The following PLCE1 variants were observed in gnomAD, a reference collection of about 807,000 sequenced individuals.
PLCE1 encodes the protein 1-phosphatidylinositol 4,5-bisphosphate phosphodiesterase epsilon-1.
Under a neutral mutation model 242.8 loss-of-function variants are expected in PLCE1, and 119 were observed. That is an observed-to-expected ratio of 0.49 (90% CI 0.42 to 0.57). The LOEUF (loss-of-function observed/expected upper bound fraction) is 0.57, where lower values mean the gene tolerates loss of function less well. Among genes scored for constraint, PLCE1 ranks in the 20% least tolerant of loss-of-function variants. The probability of loss-of-function intolerance (pLI) is 0.00; values close to 1 mark genes in which losing one functional copy is unlikely to be tolerated. For missense variants in PLCE1, 2,441 were observed against 2,788.8 expected, an observed-to-expected ratio of 0.88 and a Z score of 2.81; for synonymous variants, 945 against 1,017.4, an observed-to-expected ratio of 0.93 and a Z score of 1.35.
chr10:94,094,448 C>T (rs1373495588), intron 2 of PLCE1, among the ~76,000 whole-genome samples: 1 of 152,078 alleles, frequency 6.6e-6, no homozygotes, highest in Non-Finnish European at 1.5e-5. Context: ...ATGACAGGTG[C>T]ATGAATGGAG....
rs776583769 is a variant in PLCE1, at chr10:94,031,680, G to T, written c.634G>T (p.Asp212Tyr). Residue 212 changes from aspartate (D) to tyrosine (Y), a missense_variant, in exon 2 of 33, where the codon GAT becomes TAT. Physicochemically the swap from Asp to Tyr is radical, Grantham distance 160. This residue lies in a region of PLCE1 where 393 missense variants were observed against 378.5 expected (regional missense o/e 1.04). Coordinates refer to ENST00000371380, the MANE Select transcript of PLCE1 (RefSeq NM_016341.4). ...CCTATCAGAAAACTTAATTTTAGACGATTGTGGAAATTGTGTACCACTACC... is the reference window on the plus strand; with the variant it reads ...CCTATCAGAAAACTTAATTTTAGACTATTGTGGAAATTGTGTACCACTACC... ...CTLSENLILD[D>Y]CGNCVPLPGG... is the part of the protein sequence containing the mutation. 1.2e-6 allele frequency: 2 copies of T among 1,613,800 alleles called. No individual in the cohort carries two copies. The highest frequency in any genetic ancestry group is 1.1e-5 in the South Asian group (1 of 91,070).
chr10:94,154,654 C>T (rs572288764), intron 3 of PLCE1, among the ~76,000 whole-genome samples: 24 of 152,056 alleles, frequency 1.6e-4, no homozygotes, highest in Non-Finnish European at 2.6e-4. Flanking sequence ...GGACTTGAAT[C>T]GATGTTTCTC....
At chr10:94,230,784 A>AT (rs1374329032) in intron 5 of PLCE1, among the ~76,000 whole-genome samples, 1 of 151,772 alleles carries the variant, frequency 6.6e-6, no homozygotes, top group Non-Finnish European at 1.5e-5. Context: ...ATTTAAAAAA[A>AT]TTTTTTTAGA....
At chr10:94,014,867 A>G (rs544599507) in intron 1 of PLCE1, among the ~76,000 whole-genome samples, 1 of 152,360 alleles carries the variant, frequency 6.6e-6, no homozygotes, top group Non-Finnish European at 1.5e-5. Flanking sequence ...CACCCTAGCA[A>G]GGATAGTTTT....
chr10:94,312,003 T>G (rs2053400814), intron 27 of PLCE1, among the ~76,000 whole-genome samples: 1 of 152,168 alleles, frequency 6.6e-6, no homozygotes, highest in Admixed American at 6.5e-5. Context: ...GTCACCTAGC[T>G]CTCAGCTCTA....
At chr10:94,099,922 T>G (rs2045461596) in intron 2 of PLCE1, 2 of 152,082 alleles carry the variant, frequency 1.3e-5, no homozygotes. Flanking sequence ...TTTGTCCAGT[T>G]AATGCCAGTG....
rs372501153 is a variant in PLCE1, at chr10:94,187,146, A to ATGTGTGTGTGTGTGTG, written c.1809+15671_1809+15686dup. Among the ~76,000 whole-genome samples the ATGTGTGTGTGTGTGTG allele has an allele frequency of 8.9e-4, 130 of 145,490 alleles. No homozygotes were observed. The East Asian group carries it at 9.4e-3, about 10-fold the overall frequency. ...GTGGCTAAGCCAAGATGAAACATAT[A>ATGTGTGTGTGTGTGTG]TGTGTGTGTGTGTGTGTGTGTGTGT... is the stretch of plus-strand genomic sequence containing the variant. On this transcript the variant is annotated intron_variant, in intron 4 of 32. Transcript: ENST00000371380.
chr10:94,031,164 A>G lies in PLCE1; in HGVS notation c.118A>G (p.Lys40Glu). 6.2e-7 allele frequency: 1 copy of G among 1,613,890 alleles called. No homozygotes were observed. Among genetic ancestry groups the G allele is most frequent in the South Asian group, 1.1e-5 (1 of 91,084 alleles). Residue 40 changes from lysine (K) to glutamate (E), a missense_variant, in exon 2 of 33, where the codon AAA becomes GAA. Around this residue, in one of 5 missense-constraint regions of PLCE1, gnomAD observed 393 missense variants for 378.5 expected, o/e 1.04. Coordinates refer to ENST00000371380, the MANE Select transcript of PLCE1 (RefSeq NM_016341.4). ...AAAGGTCTCAGACATCAATATTTCA[A>G]AAGCACATACTGTCAGACGAAGTGG... ...SEKVSDINIS[K>E]AHTVRRSGET...
intron 3 of PLCE1, among the ~76,000 whole-genome samples, chr10:94,150,780 C>T (rs1475519420): frequency 6.6e-6 from 1 of 152,168 alleles, no homozygotes; most frequent in African/African-American, 2.4e-5. Context: ...GAGCCCATGC[C>T]TCTGAGCACT....
Position 94,298,331 on chromosome 10 carries a change from TTTA to T in PLCE1, c.5168-47_5168-45del, listed in dbSNP as rs1203459447. 6 of 1,554,006 alleles carry T rather than the reference TTTA, an allele frequency of 3.9e-6. No homozygotes were observed. The highest frequency in any genetic ancestry group is 3.4e-5 in the Admixed American group (2 of 59,684). ...TGTTCAGGTTTATCTTTCTAAAATA[TTTA>T]AAGTTTTCTACACTAATCTGCGGCT... On this transcript the variant is annotated intron_variant, in intron 23 of 32. Transcript: ENST00000371380. The surrounding 1 kb of genome is among the most constrained non-coding windows in gnomAD (Gnocchi z 5.2).
chr10:94,255,942 T>TCTCTCTCTCTCTCTCTCC (rs2051071412), intron 11 of PLCE1, among the ~76,000 whole-genome samples: 1 of 145,070 alleles, frequency 6.9e-6, no homozygotes, highest in African/African-American at 2.7e-5. Flanking sequence ...TCTCTCTCTC[T>TCTCTCTCTCTCTCTCTCC]CTCTCTCTCT....
chr10:94,268,675 G>T (rs889793377), intron 16 of PLCE1, among the ~76,000 whole-genome samples: 1 of 152,082 alleles, frequency 6.6e-6, no homozygotes, highest in Non-Finnish European at 1.5e-5. Context: ...ATATGGTTTT[G>T]CTATCAAATT....
chr10:94,172,074 G>T (rs2048001204), intron 4 of PLCE1, among the ~76,000 whole-genome samples: 1 of 152,154 alleles, frequency 6.6e-6, no homozygotes, highest in African/African-American at 2.4e-5. Context: ...CACATTAGAA[G>T]CCAGTTCTGA....
At chr10:94,226,339 A>T (rs1354703223) in intron 4 of PLCE1, among the ~76,000 whole-genome samples, 2 of 152,212 alleles carry the variant, frequency 1.3e-5, no homozygotes, top group African/African-American at 4.8e-5. Context: ...ACCTCTGGAG[A>T]AGACACCCTA....
chr10:94,030,868 T>C lies in PLCE1; in HGVS notation c.-179T>C. ...AATATATATTCATGATAGGAAGTTATAACTAAGAAAATTTATTTGCCTCTT... is the reference window on the plus strand; with the variant it reads ...AATATATATTCATGATAGGAAGTTACAACTAAGAAAATTTATTTGCCTCTT... On this transcript the variant is annotated 5_prime_UTR_variant, in exon 2 of 33. Coordinates refer to ENST00000371380, the MANE Select transcript of PLCE1 (RefSeq NM_016341.4). 1 of 641,670 alleles carries C rather than the reference T, an allele frequency of 1.6e-6. No individual in the cohort carries two copies. Among genetic ancestry groups the C allele is most frequent in the Admixed American group, 2.8e-5 (1 of 36,180 alleles). The allele number at this position is 641,670 out of a possible 1,614,324, so 39.7% of individuals were successfully genotyped here.
At chr10:94,297,932 A>G (rs1328845025) in intron 23 of PLCE1, among the ~76,000 whole-genome samples, 1 of 152,264 alleles carries the variant, frequency 6.6e-6, no homozygotes, top group Non-Finnish European at 1.5e-5. Flanking sequence ...TTGTGCAAAT[A>G]TACCACAACC....
At chr10:94,210,808 C>T (rs1046130252) in intron 4 of PLCE1, among the ~76,000 whole-genome samples, 2 of 152,158 alleles carry the variant, frequency 1.3e-5, no homozygotes, top group Non-Finnish European at 2.9e-5. Flanking sequence ...TTGGCTTCTC[C>T]CTCTCTGGCC....
chr10:94,013,954 AC>A (rs1218409908), intron 1 of PLCE1, among the ~76,000 whole-genome samples: 5 of 151,552 alleles, frequency 3.3e-5, no homozygotes, highest in African/African-American at 1.2e-4. Context: ...GTCCATGGCC[AC>A]CTATGGGTTA....
chr10:94,160,293 T>C (rs1156515856), intron 3 of PLCE1, among the ~76,000 whole-genome samples: 1 of 152,202 alleles, frequency 6.6e-6, no homozygotes, highest in Non-Finnish European at 1.5e-5. Flanking sequence ...GTTTCCTGAC[T>C]TTTTAATGAT....
Sources: allele counts gnomAD v4.1 joint callset (sites outside exome capture counted in the v4.1 genomes callset), GRCh38; gene constraint gnomAD v4.1.1; regional missense constraint gnomAD v4.1.1; non-coding constraint Gnocchi (gnomAD v3.1); transcripts MANE v1.5; gene names NCBI Gene and HGNC (gene_info 2026-07-23, HGNC 2026-07-21).